The following ARFGEF1 variants were observed in gnomAD, a reference collection of about 807,000 sequenced individuals.
The protein encoded by ARFGEF1 is brefeldin A-inhibited guanine nucleotide-exchange protein 1.
Under a neutral mutation model 231.0 loss-of-function variants are expected in ARFGEF1, and 42 were observed. The observed-to-expected ratio is 0.18, with a 90% confidence interval of 0.14 to 0.24. ARFGEF1 has a LOEUF of 0.24. ARFGEF1 is among the 10% of genes least tolerant of loss of function. ARFGEF1 has a pLI of 1.00. For synonymous variants in ARFGEF1, 710 were observed against 732.3 expected (o/e 0.97, Z 0.49); for missense variants, 1,345 against 2,192.0 (o/e 0.61, Z 7.72).
At chr8:67,189,924 A>G (rs1328987727) in intron 5 of ARFGEF1, among the ~76,000 whole-genome samples, 4 of 152,206 alleles carry the variant, frequency 2.6e-5, no homozygotes, top group Non-Finnish European at 5.9e-5. Context: ...CCGATCCACT[A>G]GAATGATTAT....
In ARFGEF1 at chr8:67,275,775, A is replaced by T. The variant is rs184187854; in HGVS notation, c.1337+201T>A. ...AGTATAAGTCACATACCCTTTAGGAAATAGTGTAAGTTATCTACTCCAGCA... is the reference window on the plus strand; with the variant it reads ...AGTATAAGTCACATACCCTTTAGGATATAGTGTAAGTTATCTACTCCAGCA... On this transcript the variant is annotated intron_variant, in intron 9 of 38. Coordinates refer to ENST00000262215, the MANE Select transcript of ARFGEF1 (RefSeq NM_006421.5). Among the ~76,000 whole-genome samples, 91 of 152,206 alleles carry T rather than the reference A, an allele frequency of 6.0e-4. 1 individual carries two copies. In the East Asian group the frequency reaches 0.015, roughly 26 times the overall value.
chr8:67,195,577 C>A (rs768228167), downstream of ARFGEF1: 5 of 1,613,994 alleles, frequency 3.1e-6, no homozygotes, highest in Non-Finnish European at 3.4e-6. Context: ...CAGGGCCTGT[C>A]GACTGCACAT....
intron 7 of ARFGEF1, among the ~76,000 whole-genome samples, chr8:67,283,024 A>C (rs972911155): frequency 1.3e-5 from 2 of 152,106 alleles, no homozygotes; most frequent in African/African-American, 4.8e-5. Flanking sequence ...AAAAGACAAG[A>C]ATAGTAATTC....
At chr8:67,199,502 T>C (rs1187179847) in intron 38 of ARFGEF1, 1 of 184,154 alleles carries the variant, frequency 5.4e-6, no homozygotes, top group African/African-American at 2.4e-5. Flanking sequence ...CAATATAAAA[T>C]CTAAACAGTT....
At chr8:67,216,333 C>T (rs1838931368) in intron 33 of ARFGEF1, among the ~76,000 whole-genome samples, 1 of 152,126 alleles carries the variant, frequency 6.6e-6, no homozygotes, top group Non-Finnish European at 1.5e-5. Flanking sequence ...TTCTGTCCCT[C>T]CTCCTTCCAC....
chr8:67,192,056 TTGC>T (rs1201730204), intron 5 of ARFGEF1, among the ~76,000 whole-genome samples: 1 of 151,122 alleles, frequency 6.6e-6, no homozygotes, highest in Admixed American at 6.6e-5. Context: ...TTCAAATCCT[TTGC>T]TGATTTGTTT....
At position 67,301,635 on chromosome 8, in the gene ARFGEF1, A is replaced by C. The variant is rs188036229; in HGVS notation, c.156-255T>G. 2.0e-5 allele frequency among the ~76,000 whole-genome samples: 3 copies of C among 152,306 alleles called. No homozygotes were observed. In the East Asian group the frequency reaches 5.8e-4, roughly 29 times the overall value. On this transcript the variant is annotated intron_variant, in intron 2 of 38. Coordinates refer to ENST00000262215, the MANE Select transcript of ARFGEF1 (RefSeq NM_006421.5). ...GCAAAACTGGTCTACAAAAACTGTA[A>C]AATTCAAGTTGCTTCTATTACAGAA...
At position 67,301,292 on chromosome 8, in the gene ARFGEF1, A is replaced by G. The variant is rs755577585; in HGVS notation, c.244T>C (p.Leu82=). Residue 82 remains leucine (L), a synonymous_variant, in exon 3 of 39, where the codon TTG becomes CTG. Coordinates refer to ENST00000262215, the MANE Select transcript of ARFGEF1 (RefSeq NM_006421.5). ...TNFIEADKYF[L]PFELACQSKC... Reference sequence around the variant, plus strand: ...GACTGGCATGCCAACTCAAAAGGCAAGAAGTACTTGTCTGCTTCAATAAAA... The same window carrying G: ...GACTGGCATGCCAACTCAAAAGGCAGGAAGTACTTGTCTGCTTCAATAAAA... 2 of 1,614,036 alleles carry G rather than the reference A, an allele frequency of 1.2e-6. No individual in the cohort carries two copies. The highest frequency in any genetic ancestry group is 1.7e-6 in the Non-Finnish European group (2 of 1,180,044).
chr8:67,330,864 G>C (rs1310263400), intron 1 of ARFGEF1, among the ~76,000 whole-genome samples: 1 of 151,970 alleles, frequency 6.6e-6, no homozygotes, highest in African/African-American at 2.4e-5. Flanking sequence ...TAAAACTTAG[G>C]GAATGGAAGC....
chr8:67,193,081 C>G (rs1227481911), downstream of ARFGEF1, among the ~76,000 whole-genome samples: 1 of 152,164 alleles, frequency 6.6e-6, no homozygotes, highest in Non-Finnish European at 1.5e-5. Flanking sequence ...TTGTTCATCA[C>G]AGTGTACATT....
chr8:67,240,448 T>A (rs368778694), intron 19 of ARFGEF1, among the ~76,000 whole-genome samples, 158 bp from the exon 20 acceptor site: 2 of 152,218 alleles, frequency 1.3e-5, no homozygotes, highest in East Asian at 3.8e-4. Flanking sequence ...TATATAATGC[T>A]GCCTGGGCTT....
At chr8:67,257,892 C>T in intron 16 of ARFGEF1, 76 bp from the exon 17 acceptor site, 2 of 1,312,980 alleles carry the variant, frequency 1.5e-6, no homozygotes, top group South Asian at 1.3e-5. Flanking sequence ...ACCTCAAATC[C>T]CATAGCACTT....
At chr8:67,242,823 C>G (rs551925929) in intron 19 of ARFGEF1, among the ~76,000 whole-genome samples, 27 of 152,296 alleles carry the variant, frequency 1.8e-4, no homozygotes, top group Non-Finnish European at 2.9e-4. Flanking sequence ...TGGCAGCATT[C>G]AAGACAAGCT....
At chr8:67,195,591 T>TAAA, downstream of ARFGEF1, 1 of 1,613,766 alleles carries the variant, frequency 6.2e-7, no homozygotes, top group Non-Finnish European at 8.5e-7. Flanking sequence ...TGCACATGGT[T>TAAA]AAAATAAACC....
At chr8:67,235,985 CAG>C in intron 22 of ARFGEF1, among the ~76,000 whole-genome samples, 1 of 151,794 alleles carries the variant, frequency 6.6e-6, no homozygotes, top group East Asian at 1.9e-4. Context: ...ATACTCACGG[CAG>C]AGATACCATT....
At chr8:67,292,659 A>G (rs565254469) in intron 5 of ARFGEF1, among the ~76,000 whole-genome samples, 12 of 152,290 alleles carry the variant, frequency 7.9e-5, no homozygotes, top group African/African-American at 2.6e-4. Context: ...ATAATTATGA[A>G]AAAAACTATA....
chr8:67,257,979 T>C, intron 16 of ARFGEF1, 106 bp downstream of exon 16: 1 of 1,214,984 alleles, frequency 8.2e-7, no homozygotes, highest in Non-Finnish European at 1.2e-6. Context: ...CAATCTAAAT[T>C]CTCTAAACAG....
rs554590680 is a variant in ARFGEF1 at position 67,218,756 on chromosome 8, T to C, written c.4339-618A>G. 8.5e-5 allele frequency among the ~76,000 whole-genome samples: 13 copies of C among 152,262 alleles called. No individual in the cohort carries two copies. The South Asian group carries it at 2.3e-3, about 27-fold the overall frequency. ...CATTTCCTAAAATGTATATTGTAACTGGTTCATAGTAAAATATGTTGAAAT... is the reference window on the plus strand; with the variant it reads ...CATTTCCTAAAATGTATATTGTAACCGGTTCATAGTAAAATATGTTGAAAT... On this transcript the variant is annotated intron_variant, in intron 30 of 38. Coordinates refer to ENST00000262215, the MANE Select transcript of ARFGEF1 (RefSeq NM_006421.5).
chr8:67,222,044 T>A (rs886780404), intron 29 of ARFGEF1, among the ~76,000 whole-genome samples: 150 of 150,518 alleles, frequency 1.0e-3, no homozygotes, highest in African/African-American at 3.5e-3. Flanking sequence ...CGATCTCCTT[T>A]CCTCGTGATC....
Sources: allele counts gnomAD v4.1 joint callset (sites outside exome capture counted in the v4.1 genomes callset), GRCh38; gene constraint gnomAD v4.1.1; transcripts MANE v1.5; gene names NCBI Gene and HGNC (gene_info 2026-07-23, HGNC 2026-07-21).